LARP4B: variants seen among roughly 807,000 people sequenced by gnomAD.
LARP4B encodes la-related protein 4B.
A neutral mutation model predicts 89.8 loss-of-function variants in LARP4B; 12 were observed. That is an observed-to-expected ratio of 0.13 (90% confidence interval 0.09 to 0.22). The LOEUF (loss-of-function observed/expected upper bound fraction) is 0.22, where lower values mean the gene tolerates loss of function less well. LARP4B is among the 10% of genes least tolerant of loss of function. The pLI is 1.00. For missense variants in LARP4B, 757 were observed against 947.7 expected (o/e 0.80, Z 2.64); for synonymous variants, 367 against 363.3 (o/e 1.01, Z -0.12).
At chr10:896,578 T>C (rs1836195225) in intron 1 of LARP4B, among the ~76,000 whole-genome samples, 2 of 152,342 alleles carry the variant, frequency 1.3e-5, no homozygotes, top group South Asian at 4.1e-4. Flanking sequence ...CTACCTTTCA[T>C]AAACAATGTT....
At chr10:916,938 T>C (rs1364209106) in intron 1 of LARP4B, among the ~76,000 whole-genome samples, 3 of 152,132 alleles carry the variant, frequency 2.0e-5, no homozygotes, top group African/African-American at 7.2e-5. Flanking sequence ...CCTCAAGCGA[T>C]CCTCCCTTCT....
At chr10:808,498 A>C (rs1374114341), downstream of LARP4B, 1 of 152,146 alleles carries the variant, frequency 6.6e-6, no homozygotes, top group Non-Finnish European at 1.5e-5. Context: ...TTAGGACAGA[A>C]AGGGAAATAG....
At position 862,913 on chromosome 10, in the gene LARP4B, GAAC is replaced by G. The variant is rs368508958; in HGVS notation, c.430+827_430+829del. The stretch of plus-strand genomic sequence containing the variant: ...CTAAGGTACTTACAACCCTACATGA[GAAC>G]AACAGAGATTCTATCCAGATGGTCT... On this transcript the variant is annotated intron_variant, in intron 5 of 17. Coordinates refer to ENST00000316157, the MANE Select transcript of LARP4B (RefSeq NM_015155.3). Among the ~76,000 whole-genome samples the G allele has an allele frequency of 1.3e-3, 203 of 152,142 alleles. 1 individual carries two copies. The highest frequency in any genetic ancestry group is 4.8e-3 in the African/African-American group (198 of 41,496).
chr10:828,145 C>T (rs1832722851), intron 11 of LARP4B, among the ~76,000 whole-genome samples: 3 of 152,222 alleles, frequency 2.0e-5, no homozygotes, highest in Admixed American at 6.5e-5. Context: ...CTCAGGACAG[C>T]TAAGCACCTG....
At chr10:843,164 T>C in intron 6 of LARP4B, 96 bp from the exon 7 acceptor site, 3 of 1,058,556 alleles carry the variant, frequency 2.8e-6, no homozygotes, top group Non-Finnish European at 4.2e-6. Context: ...GAGTGTGGCA[T>C]GGTATTGCTT....
At chr10:960,812 C>T in the LARP4B span, among the ~76,000 whole-genome samples, 23 of 151,756 alleles carry the variant, frequency 1.5e-4, no homozygotes, top group African/African-American at 5.1e-4. Flanking sequence ...TCAGGGACCC[C>T]TTAGAGCATT....
At chr10:927,197 G>A (rs1006294565) in intron 1 of LARP4B, among the ~76,000 whole-genome samples, 4 of 152,116 alleles carry the variant, frequency 2.6e-5, no homozygotes, top group Non-Finnish European at 5.9e-5. Flanking sequence ...GTTGAAATAG[G>A]AGCCATGACA....
chr10:901,809 C>T (rs889474003), intron 1 of LARP4B, among the ~76,000 whole-genome samples: 3 of 151,884 alleles, frequency 2.0e-5, no homozygotes, highest in Admixed American at 6.6e-5. Flanking sequence ...GGTGCTTCTA[C>T]TGAAAAAAAC....
intron 1 of LARP4B, among the ~76,000 whole-genome samples, chr10:901,361 C>A (rs533442130): frequency 7.2e-5 from 11 of 152,306 alleles, no homozygotes; most frequent in Middle Eastern, 3.4e-3. Flanking sequence ...GTTTATCTCA[C>A]GGCTGCCAGC....
chr10:849,236 T>C (rs751858188), intron 5 of LARP4B, among the ~76,000 whole-genome samples: 24 of 152,138 alleles, frequency 1.6e-4, no homozygotes, highest in African/African-American at 5.3e-4. Flanking sequence ...TAGCACTCAA[T>C]CTTGGTTTCT....
rs577931191 is a variant in LARP4B at position 827,041 on chromosome 10, A to G, written c.1126-1171T>C. The stretch of plus-strand genomic sequence containing the variant: ...TATAACCCCAGCACTTTGGGAGGCC[A>G]AGGGGGGGCGGATCAAAAGGTCAGG... On this transcript the variant is annotated intron_variant, in intron 11 of 17. Transcript: ENST00000316157. Among the ~76,000 whole-genome samples the G allele has an allele frequency of 1.2e-4, 19 of 152,222 alleles. No homozygotes were observed. In the South Asian group the frequency reaches 1.5e-3, roughly 12 times the overall value.
the LARP4B span, among the ~76,000 whole-genome samples, chr10:982,340 C>G: frequency 6.6e-6 from 1 of 152,160 alleles, no homozygotes; most frequent in Non-Finnish European, 1.5e-5. Flanking sequence ...GATCTGCCAC[C>G]TTGGCCTCCC....
chr10:835,932 CAA>C (rs1195702167), intron 8 of LARP4B, among the ~76,000 whole-genome samples: 15 of 113,892 alleles, frequency 1.3e-4, no homozygotes, highest in South Asian at 2.8e-4. Context: ...GACTCCATCT[CAA>C]AAAAAAAAAA....
chr10:972,311 A>G, the LARP4B span: 1 of 368,966 alleles, frequency 2.7e-6, no homozygotes, highest in Non-Finnish European at 5.3e-6. Flanking sequence ...TAGAGGCGTG[A>G]GCAACCGCAC....
chr10:815,441 TAACACAGTCC>T (rs1437108526), intron 15 of LARP4B: 1 of 160,396 alleles, frequency 6.2e-6, no homozygotes, highest in Non-Finnish European at 1.4e-5. Context: ...TGTCGAATCC[TAACACAGTCC>T]AACACAACTC....
chr10:915,696 CA>C (rs1371395543), intron 1 of LARP4B, among the ~76,000 whole-genome samples: 2 of 149,290 alleles, frequency 1.3e-5, no homozygotes, highest in Non-Finnish European at 2.9e-5. Flanking sequence ...CCCAGCTACT[CA>C]GGAGGCTGAG....
Position 885,726 on chromosome 10 carries a change from T to C in LARP4B, c.-5A>G. 6.2e-7 allele frequency: 1 copy of C among 1,613,174 alleles called. No homozygotes were observed. On this transcript the variant is annotated 5_prime_UTR_variant, in exon 2 of 18. Transcript: ENST00000316157. ...AGCGTCCTGATCAGAAGTCATGGGC[T>C]CCACTGGGAGAAGTGTAATGCTAAC...
the LARP4B span, among the ~76,000 whole-genome samples, chr10:938,910 C>G: frequency 5.3e-5 from 8 of 152,136 alleles, no homozygotes; most frequent in African/African-American, 1.9e-4. Context: ...TCTCAATAAT[C>G]TAAAGAGGAA....
At chr10:930,562 C>G (rs893974118) in intron 1 of LARP4B, among the ~76,000 whole-genome samples, 21 of 152,140 alleles carry the variant, frequency 1.4e-4, no homozygotes, top group African/African-American at 4.3e-4. Context: ...CATGAAGTTT[C>G]GACGCACAAC....
Sources: allele counts gnomAD v4.1 joint callset (sites outside exome capture counted in the v4.1 genomes callset), GRCh38; gene constraint gnomAD v4.1.1; transcripts MANE v1.5; gene names NCBI Gene and HGNC (gene_info 2026-07-23, HGNC 2026-07-21).